Variants in POU6F2 observed in about 807,000 individuals in gnomAD.
The protein encoded by POU6F2 is POU domain, class 6, transcription factor 2.
A neutral mutation model predicts 71.3 loss-of-function variants in POU6F2; 31 were observed. The observed-to-expected ratio is 0.43, with a 90% confidence interval of 0.33 to 0.59. The LOEUF is 0.59. POU6F2 is among the 20% of genes least tolerant of loss of function. The pLI is 0.04. For synonymous variants in POU6F2, 347 were observed against 355.7 expected (o/e 0.98, Z 0.27); for missense variants, 783 against 856.8 (o/e 0.91, Z 1.07).
chr7:39,012,899 C>T (rs1382718719), intron 1 of POU6F2, among the ~76,000 whole-genome samples: 5 of 152,290 alleles, frequency 3.3e-5, no homozygotes, highest in African/African-American at 9.6e-5. Context: ...TCTCCAGCTG[C>T]GTGCTGGGAG....
chr7:39,276,737 T>C (rs1166778004), intron 4 of POU6F2, among the ~76,000 whole-genome samples: 1 of 151,820 alleles, frequency 6.6e-6, no homozygotes, highest in Non-Finnish European at 1.5e-5. Context: ...AAATGATGAG[T>C]TCATGTCCTT....
intron 4 of POU6F2, among the ~76,000 whole-genome samples, chr7:39,288,733 T>C (rs149108198): frequency 1.4e-4 from 22 of 152,296 alleles, no homozygotes; most frequent in East Asian, 9.6e-4. Context: ...AGGTACTTCA[T>C]TGAATCAGAG....
chr7:39,244,483 G>A lies in POU6F2; in HGVS notation c.598+36863G>A, dbSNP rs149659143. ...AAGAATATTTATGTTTAGAGTCATTGTGGGGATTAAATACATCAATGTATG... is the reference window on the plus strand; with the variant it reads ...AAGAATATTTATGTTTAGAGTCATTATGGGGATTAAATACATCAATGTATG... On this transcript the variant is annotated intron_variant, in intron 4 of 9. Transcript: ENST00000518318. 2.2e-3 allele frequency among the ~76,000 whole-genome samples: 332 copies of A among 152,302 alleles called. 7 individuals are homozygous for A. In the South Asian group the frequency reaches 0.022, roughly 10 times the overall value.
At chr7:39,138,088 T>C (rs1010857794) in intron 2 of POU6F2, among the ~76,000 whole-genome samples, 1 of 152,210 alleles carries the variant, frequency 6.6e-6, no homozygotes, top group Non-Finnish European at 1.5e-5. Context: ...GAAACAGTAT[T>C]AAGTAATAAT....
chr7:39,069,549 T>A (rs1161997214), intron 1 of POU6F2, among the ~76,000 whole-genome samples: 2 of 152,172 alleles, frequency 1.3e-5, no homozygotes, highest in Non-Finnish European at 2.9e-5. Context: ...TCAATCTCCT[T>A]GCAGTGCAAA....
chr7:39,062,292 G>A (rs1790674073), intron 1 of POU6F2, among the ~76,000 whole-genome samples: 1 of 151,926 alleles, frequency 6.6e-6, no homozygotes, highest in Non-Finnish European at 1.5e-5. Context: ...TTTTTATCCT[G>A]CAGACCTCCT....
intron 2 of POU6F2, among the ~76,000 whole-genome samples, chr7:39,200,374 G>A (rs1387504939): frequency 6.6e-6 from 1 of 152,202 alleles, no homozygotes; most frequent in Non-Finnish European, 1.5e-5. Flanking sequence ...AGGCCTGGGT[G>A]AAAACCACTT....
chr7:39,289,654 A>G (rs2128761763), intron 4 of POU6F2, among the ~76,000 whole-genome samples: 1 of 152,380 alleles, frequency 6.6e-6, no homozygotes, highest in South Asian at 2.1e-4. Context: ...TGATGTTTTA[A>G]AAGAAAATGT....
intron 5 of POU6F2, among the ~76,000 whole-genome samples, chr7:39,384,925 G>C (rs909389781): frequency 2.6e-5 from 4 of 152,180 alleles, no homozygotes; most frequent in African/African-American, 9.7e-5. Context: ...CTCATAAGTA[G>C]AGGGATAAAT....
chr7:39,203,193 C>A (rs970274621), intron 2 of POU6F2, among the ~76,000 whole-genome samples: 3 of 152,140 alleles, frequency 2.0e-5, no homozygotes, highest in African/African-American at 7.2e-5. Context: ...GCCAATAATA[C>A]CTTCTTTAAA....
intron 4 of POU6F2, among the ~76,000 whole-genome samples, chr7:39,288,927 T>C (rs1280297392): frequency 1.3e-5 from 2 of 152,144 alleles, no homozygotes; most frequent in African/African-American, 4.8e-5. Flanking sequence ...GACAGCACAT[T>C]CCATCCTTAG....
At chr7:39,318,357 G>T (rs1785315375) in intron 4 of POU6F2, among the ~76,000 whole-genome samples, 1 of 152,040 alleles carries the variant, frequency 6.6e-6, no homozygotes. Flanking sequence ...CATAGGTGGG[G>T]CCCTGGAATC....
intron 4 of POU6F2, among the ~76,000 whole-genome samples, chr7:39,234,506 G>T (rs1280941346): frequency 2.0e-5 from 3 of 151,790 alleles, no homozygotes; most frequent in Non-Finnish European, 4.4e-5. Flanking sequence ...TTTTTCAGGT[G>T]AAGACAAAAT....
intron 2 of POU6F2, among the ~76,000 whole-genome samples, chr7:39,146,145 G>C (rs1011220416): frequency 6.6e-6 from 1 of 152,168 alleles, no homozygotes; most frequent in Non-Finnish European, 1.5e-5. Context: ...TGGAAATGAT[G>C]ATCTAATTTA....
intron 4 of POU6F2, among the ~76,000 whole-genome samples, chr7:39,236,046 G>A (rs1168756383): frequency 4.6e-5 from 7 of 152,074 alleles, no homozygotes; most frequent in Non-Finnish European, 1.0e-4. Context: ...TGGTTAAGTA[G>A]CAAAATGCAA....
intron 1 of POU6F2, among the ~76,000 whole-genome samples, chr7:39,047,633 TC>T (rs1431430836): frequency 6.6e-6 from 1 of 151,920 alleles, no homozygotes; most frequent in Non-Finnish European, 1.5e-5. Flanking sequence ...CAAGATTATG[TC>T]ATCTGCAAAC....
At chr7:39,389,217 A>G (rs1411496417) in intron 5 of POU6F2, among the ~76,000 whole-genome samples, 1 of 151,772 alleles carries the variant, frequency 6.6e-6, no homozygotes, top group Non-Finnish European at 1.5e-5. Flanking sequence ...TAGCAACATG[A>G]CTATATCATG....
At chr7:39,115,740 T>G (rs537467480) in intron 2 of POU6F2, among the ~76,000 whole-genome samples, 12 of 152,298 alleles carry the variant, frequency 7.9e-5, no homozygotes, top group African/African-American at 2.9e-4. Flanking sequence ...GTATGTTTGT[T>G]TTTTGGATGC....
intron 4 of POU6F2, among the ~76,000 whole-genome samples, chr7:39,258,682 G>A (rs1316747517): frequency 6.7e-6 from 1 of 148,948 alleles, no homozygotes; most frequent in Non-Finnish European, 1.5e-5. Flanking sequence ...CTGCTTTTTG[G>A]ATTTTTACTC....
Sources: gnomAD v4.1 joint callset for allele counts (sites outside exome capture counted in the v4.1 genomes callset) on GRCh38, gnomAD v4.1.1 for gene constraint, MANE v1.5 for transcripts, NCBI Gene and HGNC (gene_info 2026-07-23, HGNC 2026-07-21) for gene names.